KLF12: variants seen among roughly 807,000 people sequenced by gnomAD.
The protein encoded by KLF12 is Krueppel-like factor 12.
Under a neutral mutation model 37.8 loss-of-function variants are expected in KLF12, and 9 were observed. The ratio of observed to expected loss-of-function variants is 0.24; its 90% CI spans 0.14 to 0.42. The LOEUF (loss-of-function observed/expected upper bound fraction) is 0.42, where lower values mean the gene tolerates loss of function less well. Among genes scored for constraint, KLF12 ranks in the 10% least tolerant of loss-of-function variants. The pLI, the probability that KLF12 is intolerant of heterozygous loss-of-function variation, is 1.00. For missense variants in KLF12, 411 were observed against 516.0 expected, an observed-to-expected ratio of 0.80 and a Z score of 1.97; for synonymous variants, 208 against 202.1, an observed-to-expected ratio of 1.03 and a Z score of -0.25.
Position 73,994,975 on chromosome 13 carries a change from A to T in KLF12, c.33+15T>A. ...GCAATATTTTCAATGCAATTTTAACATCTGACTAACCAACCTTTATTGTTT... is the reference window on the plus strand; with the variant it reads ...GCAATATTTTCAATGCAATTTTAACTTCTGACTAACCAACCTTTATTGTTT... On this transcript the variant is annotated intron_variant, in intron 2 of 7. Transcript: ENST00000377669. 2 of 1,559,928 alleles carry T rather than the reference A, an allele frequency of 1.3e-6. No individual in the cohort carries two copies. The highest frequency in any genetic ancestry group is 1.8e-6 in the Non-Finnish European group (2 of 1,131,420).
the KLF12 span, among the ~76,000 whole-genome samples, chr13:74,142,229 T>C: frequency 2.0e-4 from 31 of 152,218 alleles, no homozygotes; most frequent in African/African-American, 6.3e-4. Flanking sequence ...ATCCTTCCAC[T>C]CCATGAATTT....
At chr13:73,884,413 A>G (rs1223087039) in intron 3 of KLF12, among the ~76,000 whole-genome samples, 1 of 152,210 alleles carries the variant, frequency 6.6e-6, no homozygotes, top group African/African-American at 2.4e-5. Flanking sequence ...ACTACAGAAA[A>G]AAACACTTAC....
chr13:74,044,550 G>T (rs1306684648), intron 1 of KLF12, among the ~76,000 whole-genome samples: 1 of 152,052 alleles, frequency 6.6e-6, no homozygotes, highest in Non-Finnish European at 1.5e-5. Context: ...TCAACTAAAA[G>T]AGTTACCAAT....
chr13:73,729,110 A>G (rs1217494849), intron 6 of KLF12, among the ~76,000 whole-genome samples: 1 of 152,200 alleles, frequency 6.6e-6, no homozygotes, highest in Non-Finnish European at 1.5e-5. Context: ...TCTTACCTAG[A>G]ACTTTTCATA....
the KLF12 span, among the ~76,000 whole-genome samples, chr13:74,240,747 G>A: frequency 7.8e-6 from 1 of 128,490 alleles, no homozygotes; most frequent in Admixed American, 8.2e-5. Flanking sequence ...GGCTCCTGAG[G>A]CTTCTGCATT....
rs139343546 is a variant in KLF12 at position 73,958,312 on chromosome 13, C to T, written c.34-14242G>A. Among the ~76,000 whole-genome samples, 23 of 151,782 alleles carry T rather than the reference C, an allele frequency of 1.5e-4. No homozygotes were observed. In the East Asian group the frequency reaches 3.9e-3, roughly 26 times the overall value. On this transcript the variant is annotated intron_variant, in intron 2 of 7. Coordinates refer to ENST00000377669, the MANE Select transcript of KLF12 (RefSeq NM_007249.5). The stretch of plus-strand genomic sequence containing the variant: ...AGGCTGGAGTGCAGTGGTGCGATCT[C>T]GGCTCACTGCAGCCTCCGCCTCCTG...
the KLF12 span, among the ~76,000 whole-genome samples, chr13:74,189,066 T>C: frequency 1.3e-5 from 2 of 152,136 alleles, no homozygotes; most frequent in African/African-American, 4.8e-5. Context: ...AGTTTAGAAG[T>C]GCTCCTGTGC....
chr13:74,066,802 T>C (rs1326188647), intron 1 of KLF12, among the ~76,000 whole-genome samples: 1 of 152,194 alleles, frequency 6.6e-6, no homozygotes, highest in Admixed American at 6.5e-5. Context: ...GGCAGCACCA[T>C]CACTCTGGCC....
At chr13:73,976,313 T>A (rs1347424291) in intron 2 of KLF12, among the ~76,000 whole-genome samples, 2 of 152,118 alleles carry the variant, frequency 1.3e-5, no homozygotes, top group Admixed American at 1.3e-4. Context: ...AGCACGCCCC[T>A]CTGGAGCACC....
chr13:74,100,675 AACATAG>A (rs1047471837), intron 1 of KLF12, among the ~76,000 whole-genome samples: 10 of 151,494 alleles, frequency 6.6e-5, no homozygotes, highest in South Asian at 4.1e-4. Context: ...TATGTATATA[AACATAG>A]ACATAAACAC....
chr13:73,775,047 A>G (rs1007522275), intron 5 of KLF12, among the ~76,000 whole-genome samples: 1 of 151,466 alleles, frequency 6.6e-6, no homozygotes, highest in Non-Finnish European at 1.5e-5. Context: ...CCTCCTGAGT[A>G]GCTGGGATTA....
intron 2 of KLF12, among the ~76,000 whole-genome samples, chr13:73,956,710 C>T: frequency 6.6e-6 from 1 of 152,046 alleles, no homozygotes; most frequent in East Asian, 1.9e-4. Flanking sequence ...TGCTTGAGCC[C>T]AGGAGTTTCA....
intron 1 of KLF12, among the ~76,000 whole-genome samples, chr13:74,094,775 T>C (rs978968012): frequency 3.3e-5 from 5 of 152,022 alleles, no homozygotes; most frequent in African/African-American, 9.7e-5. Flanking sequence ...AATTTTTGTA[T>C]TTTTAGTAGA....
At chr13:74,063,081 CCG>C (rs1256728129) in intron 1 of KLF12, among the ~76,000 whole-genome samples, 1 of 152,198 alleles carries the variant, frequency 6.6e-6, no homozygotes, top group African/African-American at 2.4e-5. Flanking sequence ...TTCCTCTGTG[CCG>C]CACCTCCAGC....
chr13:73,806,200 G>T (rs1189085077), intron 5 of KLF12, among the ~76,000 whole-genome samples: 1 of 150,302 alleles, frequency 6.7e-6, no homozygotes, highest in Non-Finnish European at 1.5e-5. Context: ...TCCGCCTCCC[G>T]GGTCCAAGCA....
intron 5 of KLF12, among the ~76,000 whole-genome samples, chr13:73,774,633 T>C (rs1880487162): frequency 6.6e-6 from 1 of 152,168 alleles, no homozygotes. Context: ...ATATTAACAT[T>C]AGAAAAATTG....
intron 2 of KLF12, among the ~76,000 whole-genome samples, chr13:73,949,805 A>C (rs56304807): frequency 0.01 from 1,554 of 152,338 alleles, 31 homozygotes; most frequent in African/African-American, 0.035. Context: ...ACATCCCTTC[A>C]AACACAGACT....
the KLF12 span, among the ~76,000 whole-genome samples, chr13:74,242,138 A>C: frequency 6.6e-6 from 1 of 152,232 alleles, no homozygotes; most frequent in East Asian, 1.9e-4. Flanking sequence ...GGAAGTATAG[A>C]TCAGTTGAAT....
intron 1 of KLF12, among the ~76,000 whole-genome samples, chr13:74,079,987 T>C: frequency 6.6e-6 from 1 of 152,210 alleles, no homozygotes; most frequent in South Asian, 2.1e-4. Context: ...CATCAAAAGA[T>C]GAATGGATAC....
Sources: gnomAD v4.1 joint callset for allele counts (sites outside exome capture counted in the v4.1 genomes callset) on GRCh38, gnomAD v4.1.1 for gene constraint, MANE v1.5 for transcripts, NCBI Gene and HGNC (gene_info 2026-07-23, HGNC 2026-07-21) for gene names.